Variants in SLC24A3 observed in about 807,000 individuals in gnomAD.
SLC24A3 encodes solute carrier family 24 member 3, also known as sodium/potassium/calcium exchanger 3.
In SLC24A3, 28 loss-of-function variants were observed where a neutral mutation model predicts 75.8. The observed-to-expected ratio is 0.37, with a 90% CI of 0.27 to 0.51. The LOEUF is 0.51. SLC24A3 is among the 20% of genes least tolerant of loss of function. SLC24A3 has a pLI of 0.94. For missense variants in SLC24A3, 663 were observed against 847.8 expected, an observed-to-expected ratio of 0.78 and a Z score of 2.71; for synonymous variants, 372 against 334.1, an observed-to-expected ratio of 1.11 and a Z score of -1.24.
intron 2 of SLC24A3, among the ~76,000 whole-genome samples, chr20:19,477,961 C>T (rs1987989307): frequency 6.6e-6 from 1 of 152,180 alleles, no homozygotes; most frequent in Non-Finnish European, 1.5e-5. Flanking sequence ...GGAAACTATC[C>T]AGAAATAGAA....
chr20:19,213,008 A>T (rs778053999), intron 1 of SLC24A3, 24 bp downstream of exon 1: 29 of 1,242,498 alleles, frequency 2.3e-5, no homozygotes, highest in Non-Finnish European at 2.9e-5. Context: ...GCCTGCCCCG[A>T]GTGGGCGCTG....
At chr20:19,393,872 A>C (rs987270488) in intron 2 of SLC24A3, among the ~76,000 whole-genome samples, 2 of 152,220 alleles carry the variant, frequency 1.3e-5, no homozygotes, top group Admixed American at 1.3e-4. Context: ...CCTAAAATTC[A>C]TATAGAATCT....
At chr20:19,364,960 G>GTTCA (rs1443796579) in intron 2 of SLC24A3, among the ~76,000 whole-genome samples, 8 of 152,160 alleles carry the variant, frequency 5.3e-5, no homozygotes, top group Admixed American at 3.9e-4. Context: ...AACTAAGTAA[G>GTTCA]TTCACCCAGG....
At chr20:19,224,119 T>TGA (rs1468832084) in intron 1 of SLC24A3, among the ~76,000 whole-genome samples, 4 of 99,744 alleles carry the variant, frequency 4.0e-5, no homozygotes, top group South Asian at 3.2e-4. Flanking sequence ...TGTGAGTGTG[T>TGA]GAGTGTGTGT....
At chr20:19,319,602 A>G (rs1267081294) in intron 2 of SLC24A3, among the ~76,000 whole-genome samples, 2 of 152,228 alleles carry the variant, frequency 1.3e-5, no homozygotes, top group African/African-American at 4.8e-5. Context: ...AGAGTCTAGG[A>G]GGCAGAGTGC....
chr20:19,523,324 C>T (rs2030138484), intron 3 of SLC24A3, among the ~76,000 whole-genome samples: 1 of 152,196 alleles, frequency 6.6e-6, no homozygotes, highest in Admixed American at 6.5e-5. Flanking sequence ...AGGGATTTTA[C>T]TCTGGAAGAG....
At chr20:19,303,943 C>A (rs1363867999) in intron 2 of SLC24A3, among the ~76,000 whole-genome samples, 1 of 152,274 alleles carries the variant, frequency 6.6e-6, no homozygotes, top group South Asian at 2.1e-4. Context: ...ATTACAACCA[C>A]CTTGAGGTTG....
chr20:19,693,229 A>G, intron 12 of SLC24A3, 30 bp from the exon 13 acceptor site: 1 of 1,560,954 alleles, frequency 6.4e-7, no homozygotes, highest in Non-Finnish European at 8.7e-7. Context: ...TTTTTTTTTT[A>G]TTTCTTTTTG....
chr20:19,721,116 C>T lies in SLC24A3; in HGVS notation c.1911C>T (p.Asn637=), dbSNP rs2033100513. ...AGTTCAACGTGTTCACCTTTGTGAA[C>T]CTGCCCATGTGCGGGGACCACTGAG... ...MTEFNVFTFV[N]LPMCGDH The change falls in exon 17 of 17, where the codon AAC becomes AAT. Residue 637 remains asparagine (N), a synonymous_variant. Transcript: ENST00000328041. The T allele has an allele frequency of 6.2e-7, 1 of 1,614,132 alleles. No individual in the cohort carries two copies.
intron 2 of SLC24A3, among the ~76,000 whole-genome samples, chr20:19,425,419 G>C (rs1351329619): frequency 1.3e-5 from 2 of 152,136 alleles, no homozygotes; most frequent in African/African-American, 2.4e-5. Flanking sequence ...CATCCGTTAA[G>C]AGTACAGGCC....
intron 3 of SLC24A3, among the ~76,000 whole-genome samples, chr20:19,578,322 T>C (rs2031170345): frequency 6.6e-6 from 1 of 151,502 alleles, no homozygotes; most frequent in African/African-American, 2.4e-5. Flanking sequence ...GTACTTTTCG[T>C]GTATGCATGC....
intron 6 of SLC24A3, among the ~76,000 whole-genome samples, chr20:19,597,407 T>C (rs2031465355): frequency 6.6e-6 from 1 of 151,992 alleles, no homozygotes; most frequent in African/African-American, 2.4e-5. Context: ...ACCCCAAAAA[T>C]AAAATAAAAT....
chr20:19,497,634 G>C (rs896514049), intron 2 of SLC24A3, among the ~76,000 whole-genome samples: 1 of 152,176 alleles, frequency 6.6e-6, no homozygotes, highest in Non-Finnish European at 1.5e-5. Context: ...TGTTGATCCT[G>C]AAGAGGCTGC....
chr20:19,678,881 G>A (rs1226306858), intron 9 of SLC24A3, among the ~76,000 whole-genome samples: 4 of 152,034 alleles, frequency 2.6e-5, no homozygotes, highest in African/African-American at 7.2e-5. Flanking sequence ...CGGCCGGGCA[G>A]AGGCTCTCCT....
Position 19,717,515 on chromosome 20 carries a change from C to G in SLC24A3, c.1720-13C>G. 1 of 1,613,646 alleles carries G rather than the reference C, an allele frequency of 6.2e-7. No individual in the cohort carries two copies. Among genetic ancestry groups the G allele is most frequent in the Non-Finnish European group, 8.5e-7 (1 of 1,179,676 alleles). On this transcript the variant is annotated splice_polypyrimidine_tract_variant and intron_variant, in intron 15 of 16. Coordinates refer to ENST00000328041, the MANE Select transcript of SLC24A3 (RefSeq NM_020689.4). The stretch of plus-strand genomic sequence containing the variant: ...TAGCTTGTCAGAAGCCTAACTCTAA[C>G]CCTCTCTTACAGATCCGGCTGAATA...
chr20:19,345,077 A>G (rs1985360468), intron 2 of SLC24A3, among the ~76,000 whole-genome samples: 2 of 152,220 alleles, frequency 1.3e-5, no homozygotes, highest in Non-Finnish European at 1.5e-5. Flanking sequence ...TGCCTGTAGA[A>G]CGTCTCAAAG....
chr20:19,392,294 G>T (rs932699876), intron 2 of SLC24A3, among the ~76,000 whole-genome samples: 1 of 152,154 alleles, frequency 6.6e-6, no homozygotes, highest in African/African-American at 2.4e-5. Context: ...GGGTGGTCAC[G>T]GAGGGACATA....
At chr20:19,414,183 G>A (rs951971879) in intron 2 of SLC24A3, among the ~76,000 whole-genome samples, 48 of 152,204 alleles carry the variant, frequency 3.2e-4, no homozygotes, top group Non-Finnish European at 1.0e-4. Flanking sequence ...CAGTGAAGTA[G>A]AATGTCATGT....
chr20:19,269,865 G>A (rs1369529726), intron 1 of SLC24A3, among the ~76,000 whole-genome samples: 1 of 152,178 alleles, frequency 6.6e-6, no homozygotes, highest in African/African-American at 2.4e-5. Context: ...TTCTTTCAAC[G>A]GGGGTTAACT....
Sources: gnomAD v4.1 joint callset for allele counts (sites outside exome capture counted in the v4.1 genomes callset) on GRCh38, gnomAD v4.1.1 for gene constraint, MANE v1.5 for transcripts, NCBI Gene and HGNC (gene_info 2026-07-23, HGNC 2026-07-21) for gene names.